FAM193B: variants seen among roughly 807,000 people sequenced by gnomAD.
FAM193B encodes the protein family with sequence similarity 193 member B.
FAM193B carries 27 observed loss-of-function variants against 70.7 expected under a neutral mutation model. The observed-to-expected ratio is 0.38, with a 90% CI of 0.28 to 0.53. FAM193B has a LOEUF of 0.53. FAM193B is among the 20% of genes least tolerant of loss of function. FAM193B has a pLI of 0.81. For missense variants in FAM193B, 1,022 were observed against 1,072.5 expected (o/e 0.95, Z 0.66); for synonymous variants, 448 against 436.0 (o/e 1.03, Z -0.34).
intron 7 of FAM193B, among the ~76,000 whole-genome samples, 159 bp downstream of exon 7, chr5:177,523,798 G>A (rs569972553): frequency 3.3e-5 from 5 of 152,386 alleles, no homozygotes; most frequent in Admixed American, 1.3e-4. Flanking sequence ...TTTTCAGCAG[G>A]CAGGCTGGTG....
intron 1 of FAM193B, among the ~76,000 whole-genome samples, chr5:177,542,203 CA>C (rs888109656): frequency 1.3e-5 from 2 of 152,188 alleles, no homozygotes. Context: ...CACTTAGTGC[CA>C]AAGTACTTGT....
rs1267279696 is a variant in FAM193B at position 177,538,100 on chromosome 5, A to G, written c.461T>C (p.Leu154Ser). 6.5e-7 allele frequency: 1 copy of G among 1,540,512 alleles called. No individual in the cohort carries two copies. Residue 154 changes from leucine (L) to serine (S), a missense_variant, in exon 3 of 9, where the codon TTG (leucine) becomes TCG (serine). By Grantham distance (145) the Leu-to-Ser change is moderately radical. Coordinates refer to ENST00000514747, the MANE Select transcript of FAM193B (RefSeq NM_001190946.3). The surrounding 1 kb of genome is among the most constrained non-coding windows in gnomAD (Gnocchi z 4.1). ...CTGTGATTTGCAGGATGTGTGTGACAAGGAGATCTGGAGAAGGGGGAGGAA... is the reference window on the plus strand; with the variant it reads ...CTGTGATTTGCAGGATGTGTGTGACGAGGAGATCTGGAGAAGGGGGAGGAA... ...TGREHAVAIS[L>S]SHTSCKSQSC...
In FAM193B at chr5:177,536,659, C is replaced by T; in HGVS notation, c.775G>A (p.Ala259Thr). ...NSPTGHHPQP[A>T]SLIPSHPSSF... is the part of the protein sequence containing the mutation. ...CTGGGGTGAGACGGGATTAGAGATG[C>T]TGGCTGCGGGTGGTGGCCGGTGGGG... is the stretch of plus-strand genomic sequence containing the variant. The change falls in exon 4 of 9, where the codon GCA (alanine) becomes ACA (threonine). Residue 259 changes from alanine (A) to threonine (T), a missense_variant. By Grantham distance (58) the Ala-to-Thr change is moderately conservative (BLOSUM62 0). Transcript: ENST00000514747. 6.4e-7 allele frequency: 1 copy of T among 1,563,030 alleles called. No homozygotes were observed. Among genetic ancestry groups the T allele is most frequent in the Non-Finnish European group, 8.6e-7 (1 of 1,160,044 alleles).
rs1277803253 is a variant in FAM193B at position 177,524,517 on chromosome 5, G to A, written c.1964C>T (p.Pro655Leu). Residue 655 changes from proline (P) to leucine (L), a missense_variant, in exon 6 of 9, where the codon CCC becomes CTC. Pro to Leu is a moderately conservative substitution (Grantham distance 98). Coordinates refer to ENST00000514747, the MANE Select transcript of FAM193B (RefSeq NM_001190946.3). ...KKSEASPAPR[P>L]PASLEVPSAK... ...ACTGGGAACCTCTAGGCTGGCTGGG[G>A]GCCGGGGGGCTGGGCTTGCCTCGCT... 1.2e-5 allele frequency: 20 copies of A among 1,612,630 alleles called. No individual in the cohort carries two copies. The highest frequency in any genetic ancestry group is 1.5e-5 in the Non-Finnish European group (18 of 1,179,666).
intron 5 of FAM193B, 85 bp from the exon 6 acceptor site, chr5:177,525,290 C>T: frequency 1.6e-6 from 2 of 1,289,888 alleles, no homozygotes; most frequent in Non-Finnish European, 2.0e-6. Flanking sequence ...TGGGGCCCAG[C>T]TTTGCCACTA....
chr5:177,545,146 C>T (rs28875175), intron 1 of FAM193B, among the ~76,000 whole-genome samples: 9,599 of 152,178 alleles, frequency 0.063, 382 homozygotes, highest in East Asian at 0.18. Context: ...CATGTTCAAG[C>T]GGTTCTCCTG....
intron 1 of FAM193B, among the ~76,000 whole-genome samples, chr5:177,552,507 T>C (rs769379885): frequency 6.6e-6 from 1 of 152,258 alleles, no homozygotes; most frequent in Non-Finnish European, 1.5e-5. Context: ...TCCAAGCTTT[T>C]TGGCATCTCT....
chr5:177,548,100 C>T (rs989231170), intron 1 of FAM193B, among the ~76,000 whole-genome samples: 1 of 152,034 alleles, frequency 6.6e-6, no homozygotes, highest in African/African-American at 2.4e-5. Flanking sequence ...CTGCCTTTTT[C>T]TTCTCTTTTT....
intron 8 of FAM193B, among the ~76,000 whole-genome samples, chr5:177,521,770 G>T (rs1761780208): frequency 6.6e-6 from 1 of 152,192 alleles, no homozygotes; most frequent in South Asian, 2.1e-4. Flanking sequence ...AGGCCTACAG[G>T]TGAGTGGCTG....
rs556760481 is a variant in FAM193B at position 177,521,257 on chromosome 5, A to G, written c.*1+717T>C. ...CTGCTAGCTGCCCTTCTCTTCATCAATAGGGTTCCAGGCCCAGTGCCTTCT... is the reference window on the plus strand; with the variant it reads ...CTGCTAGCTGCCCTTCTCTTCATCAGTAGGGTTCCAGGCCCAGTGCCTTCT... On this transcript the variant is annotated intron_variant, in intron 8 of 8. Coordinates refer to ENST00000514747, the MANE Select transcript of FAM193B (RefSeq NM_001190946.3). Among the ~76,000 whole-genome samples, 19 of 152,248 alleles carry G rather than the reference A, an allele frequency of 1.2e-4. No homozygotes were observed. The South Asian group carries it at 2.1e-3, about 17-fold the overall frequency.
chr5:177,542,625 CTAAAGG>C (rs1764983973), intron 1 of FAM193B, among the ~76,000 whole-genome samples: 1 of 152,224 alleles, frequency 6.6e-6, no homozygotes, highest in Non-Finnish European at 1.5e-5. Flanking sequence ...CATGCTTTCG[CTAAAGG>C]TGATTCCTTG....
intron 1 of FAM193B, chr5:177,554,020 G>A (rs1271657141): frequency 5.3e-6 from 7 of 1,327,272 alleles, no homozygotes; most frequent in South Asian, 3.2e-5. Flanking sequence ...GCGGGGAGAG[G>A]GGAGCAGCTT....
rs758751472 is a variant in FAM193B, at chr5:177,524,935, G to A, written c.1546C>T (p.Pro516Ser). ...GAAEPEPQSLPPSNLSGSSEQ... is the reference protein window; with the variant it reads ...GAAEPEPQSLSPSNLSGSSEQ... Reference sequence around the variant, plus strand: ...GAGGAGCCACTGAGGTTTGAGGGGGGTAGACTCTGAGGCTCAGGCTCAGCA... The same window carrying A: ...GAGGAGCCACTGAGGTTTGAGGGGGATAGACTCTGAGGCTCAGGCTCAGCA... Residue 516 changes from proline to serine, a missense_variant, in exon 6 of 9, where the codon CCC becomes TCC. By Grantham distance (74) the Pro-to-Ser change is moderately conservative (BLOSUM62 -1). Transcript: ENST00000514747. 6.6e-7 allele frequency: 1 copy of A among 1,507,760 alleles called. No homozygotes were observed. Among genetic ancestry groups the A allele is most frequent in the Non-Finnish European group, 8.9e-7 (1 of 1,129,774 alleles). The allele number at this position is 1,507,760 out of a possible 1,614,324, so 93.4% of individuals were successfully genotyped here. A position where few individuals can be genotyped will look rare whatever the true frequency, so the allele number is the denominator to read the frequency against.
chr5:177,539,572 T>C (rs138592236), intron 1 of FAM193B, among the ~76,000 whole-genome samples: 4 of 152,362 alleles, frequency 2.6e-5, no homozygotes, highest in Admixed American at 1.3e-4. Context: ...AAGGAAAGAA[T>C]GCTTTTAGTC....
At chr5:177,536,208 A>G in intron 4 of FAM193B, 150 bp downstream of exon 4, 1 of 900,792 alleles carries the variant, frequency 1.1e-6, no homozygotes, top group Non-Finnish European at 1.7e-6. Flanking sequence ...CCACTGTGCC[A>G]GGCCAAAACA....
At chr5:177,534,560 C>T (rs1763951859) in intron 4 of FAM193B, among the ~76,000 whole-genome samples, 1 of 152,004 alleles carries the variant, frequency 6.6e-6, no homozygotes, top group African/African-American at 2.4e-5. Flanking sequence ...CCTCAGCCTC[C>T]CAAAGTGCTG....
At chr5:177,528,531 G>A (rs1044847951) in intron 5 of FAM193B, among the ~76,000 whole-genome samples, 11 of 152,182 alleles carry the variant, frequency 7.2e-5, no homozygotes, top group Admixed American at 5.9e-4. Flanking sequence ...TGGGCTGAGG[G>A]GTCAAGAAAG....
chr5:177,554,349 A>G lies in FAM193B; in HGVS notation c.110T>C (p.Leu37Pro). 4.0e-6 allele frequency: 5 copies of G among 1,235,400 alleles called. No homozygotes were observed. Among genetic ancestry groups the G allele is most frequent in the Middle Eastern group, 2.9e-4 (1 of 3,410 alleles). 76.5% of individuals were successfully genotyped at this position (1,235,400 alleles called of 1,614,324 possible). A position where few individuals can be genotyped will look rare whatever the true frequency, so the allele number is the denominator to read the frequency against. The change falls in exon 1 of 9, where the codon CTG (leucine) becomes CCG (proline). Residue 37 changes from leucine to proline, a missense_variant. Transcript: ENST00000514747. The stretch of plus-strand genomic sequence containing the variant: ...AGGGCCTGCACCCGCTCCCGCCTCC[A>G]GGCTTGGCGGCGGCGGGGGCTCGGG... ...QAPEPPPPPS[L>P]EAGAGAGPPE...
chr5:177,541,562 G>A (rs192982843), intron 1 of FAM193B, among the ~76,000 whole-genome samples: 565 of 152,282 alleles, frequency 3.7e-3, no homozygotes, highest in Non-Finnish European at 5.9e-3. Flanking sequence ...GGGACTACAG[G>A]TGCCCGCCAC....
Sources: gnomAD v4.1 joint callset for allele counts (sites outside exome capture counted in the v4.1 genomes callset) on GRCh38, gnomAD v4.1.1 for gene constraint, Gnocchi (gnomAD v3.1) non-coding constraint, MANE v1.5 for transcripts, NCBI Gene and HGNC (gene_info 2026-07-23, HGNC 2026-07-21) for gene names.